Variants in TMEM272 observed in about 807,000 individuals in gnomAD.
TMEM272 encodes the protein long intergenic non-protein coding RNA 282.
A neutral mutation model predicts 3.7 loss-of-function variants in TMEM272; 8 were observed. The ratio of observed to expected loss-of-function variants is 2.17; its 90% CI spans 1.27 to 3.91. TMEM272 has a LOEUF of 3.91. Among genes scored for constraint, TMEM272 ranks in the 30% most tolerant of loss-of-function variants. TMEM272 has a pLI of 0.00. For missense variants in TMEM272, 166 were observed against 91.5 expected (o/e 1.81, Z -3.32); for synonymous variants, 63 against 39.8 (o/e 1.58, Z -2.20).
rs1357566863 is a variant in TMEM272 at position 51,815,228 on chromosome 13, G to C, written c.*1523C>G. 1 of 152,752 alleles carries C rather than the reference G, an allele frequency of 6.5e-6. No homozygotes were observed. Among genetic ancestry groups the C allele is most frequent in the African/African-American group, 2.4e-5 (1 of 41,446 alleles). 9.5% of individuals were successfully genotyped at this position (152,752 alleles called of 1,614,324 possible). A position where few individuals can be genotyped will look rare whatever the true frequency, so the allele number is the denominator to read the frequency against. ...CCGCTGGTCTTCTGCCATGGCTCAA[G>C]TGAAAATGAAAACAGAAACTGCCCT... On this transcript the variant is annotated 3_prime_UTR_variant, in exon 5 of 5. Transcript: ENST00000629372.
chr13:51,841,350 C>T (rs1333457718), intron 1 of TMEM272, among the ~76,000 whole-genome samples: 1 of 152,190 alleles, frequency 6.6e-6, no homozygotes, highest in East Asian at 1.9e-4. Flanking sequence ...TTACACTTGC[C>T]TGGTGGAGTC....
chr13:51,824,826 G>A (rs1376206665), intron 3 of TMEM272, among the ~76,000 whole-genome samples: 2 of 152,170 alleles, frequency 1.3e-5, no homozygotes, highest in Admixed American at 6.5e-5. Flanking sequence ...GGTGGTGGGC[G>A]CCTGTAATCC....
upstream of TMEM272, among the ~76,000 whole-genome samples, chr13:51,848,841 C>T (rs528917249): frequency 6.6e-6 from 1 of 152,128 alleles, no homozygotes; most frequent in East Asian, 1.9e-4. Context: ...TCTTTGTCTT[C>T]GTCTTTGCTT....
chr13:51,871,252 G>A, the TMEM272 span, among the ~76,000 whole-genome samples: 10 of 150,212 alleles, frequency 6.7e-5, no homozygotes, highest in Non-Finnish European at 7.4e-5. Flanking sequence ...GTGCAGTGGC[G>A]CAATCTCGGC....
At chr13:51,825,721 G>A (rs182154876) in intron 3 of TMEM272, among the ~76,000 whole-genome samples, 87 of 150,268 alleles carry the variant, frequency 5.8e-4, no homozygotes, top group Admixed American at 3.7e-3. Flanking sequence ...TCAGTCCCCC[G>A]AGTAGCTGGG....
the TMEM272 span, among the ~76,000 whole-genome samples, chr13:51,887,035 TAAAA>T: frequency 6.6e-6 from 1 of 152,216 alleles, no homozygotes; most frequent in Non-Finnish European, 1.5e-5. Flanking sequence ...AGACCCACCT[TAAAA>T]TTACCCAGCC....
the TMEM272 span, among the ~76,000 whole-genome samples, chr13:51,859,204 A>G: frequency 6.6e-6 from 1 of 152,106 alleles, no homozygotes; most frequent in Non-Finnish European, 1.5e-5. Flanking sequence ...TAATTGTTTA[A>G]TATCATAGCT....
At chr13:51,883,179 C>A in the TMEM272 span, among the ~76,000 whole-genome samples, 2 of 152,214 alleles carry the variant, frequency 1.3e-5, no homozygotes, top group Non-Finnish European at 2.9e-5. Context: ...GTTCAGCAAG[C>A]CAGCCAGGAG....
the TMEM272 span, among the ~76,000 whole-genome samples, chr13:51,874,656 G>A: frequency 2.6e-5 from 4 of 152,154 alleles, no homozygotes; most frequent in Non-Finnish European, 5.9e-5. Context: ...GGAGGATCCC[G>A]TTCTGAAGAT....
chr13:51,881,632 T>C, the TMEM272 span, among the ~76,000 whole-genome samples: 3 of 152,192 alleles, frequency 2.0e-5, no homozygotes, highest in East Asian at 1.9e-4. Context: ...GTGGGGTCTT[T>C]AGGAGGTGAC....
At chr13:51,903,200 C>A in the TMEM272 span, among the ~76,000 whole-genome samples, 12 of 152,268 alleles carry the variant, frequency 7.9e-5, no homozygotes, top group African/African-American at 2.6e-4. Flanking sequence ...ACTGGATGCA[C>A]GAGGCAGCAG....
chr13:51,893,692 T>C, the TMEM272 span, among the ~76,000 whole-genome samples: 1 of 152,138 alleles, frequency 6.6e-6, no homozygotes, highest in Admixed American at 6.5e-5. Flanking sequence ...CACCAGGGAA[T>C]GTGATCGTGC....
At chr13:51,922,329 C>A in the TMEM272 span, among the ~76,000 whole-genome samples, 1 of 152,238 alleles carries the variant, frequency 6.6e-6, no homozygotes, top group Non-Finnish European at 1.5e-5. Flanking sequence ...TCAGAGAAGT[C>A]TTGGGTGGGC....
the TMEM272 span, chr13:51,933,434 CTA>C: frequency 6.6e-6 from 1 of 152,214 alleles, no homozygotes; most frequent in African/African-American, 2.4e-5. Context: ...AAAAAAATCA[CTA>C]AAACTATTTT....
At chr13:51,905,590 G>C in the TMEM272 span, among the ~76,000 whole-genome samples, 1 of 152,206 alleles carries the variant, frequency 6.6e-6, no homozygotes. Flanking sequence ...CGGCGCGGTC[G>C]ACCCAAGCAG....
the TMEM272 span, chr13:51,865,779 C>G: frequency 1.2e-6 from 2 of 1,614,130 alleles, no homozygotes; most frequent in South Asian, 2.2e-5. Flanking sequence ...GAGGATAAGG[C>G]CTTCTGGAAA....
the TMEM272 span, among the ~76,000 whole-genome samples, chr13:51,889,642 G>T: frequency 6.0e-5 from 9 of 150,778 alleles, no homozygotes; most frequent in Non-Finnish European, 1.0e-4. Flanking sequence ...GTGTGGGGGG[G>T]TTTTGTTTGT....
rs763643952 is a variant in TMEM272 at position 51,817,010 on chromosome 13, G to A, written c.305C>T (p.Ala102Val). 27 of 702,890 alleles carry A rather than the reference G, an allele frequency of 3.8e-5. No homozygotes were observed. The highest frequency in any genetic ancestry group is 7.0e-5 in the African/African-American group (4 of 57,240). The allele number at this position is 702,890 out of a possible 1,614,324, so 43.5% of individuals were successfully genotyped here. Residue 102 changes from alanine to valine, a missense_variant, in exon 5 of 5, where the codon GCG (alanine) becomes GTG (valine). Ala to Val is a moderately conservative substitution (Grantham distance 64, BLOSUM62 0). Transcript: ENST00000629372. Reference sequence around the variant, plus strand: ...CAGGAGGTGGATGTAGTATCTGTGCGCATTCTGCCTCCAGGGGTATTCGTC... The same window carrying A: ...CAGGAGGTGGATGTAGTATCTGTGCACATTCTGCCTCCAGGGGTATTCGTC... ...DDDEYPWRQN[A>V]HRYYIHLLLS...
At chr13:51,862,408 T>C in the TMEM272 span, among the ~76,000 whole-genome samples, 1 of 152,258 alleles carries the variant, frequency 6.6e-6, no homozygotes, top group Non-Finnish European at 1.5e-5. Context: ...TTGTACTTTA[T>C]ATTTTAATAC....
Sources: allele counts gnomAD v4.1 joint callset (sites outside exome capture counted in the v4.1 genomes callset), GRCh38; gene constraint gnomAD v4.1.1; transcripts MANE v1.5; gene names NCBI Gene and HGNC (gene_info 2026-07-23, HGNC 2026-07-21).